The following STPG2 variants were observed in gnomAD, a reference collection of about 807,000 sequenced individuals.
STPG2 encodes sperm tail PG-rich repeat containing 2.
In STPG2, 56 loss-of-function variants were observed where a neutral mutation model predicts 54.2. The ratio of observed to expected loss-of-function variants is 1.03; its 90% confidence interval spans 0.83 to 1.29. The LOEUF (loss-of-function observed/expected upper bound fraction) is 1.29. Among genes scored for constraint, STPG2 ranks in the 50% most tolerant of loss-of-function variants. The pLI is 0.00. For synonymous variants in STPG2, 200 were observed against 181.8 expected, an observed-to-expected ratio of 1.10 and a Z score of -0.81; for missense variants, 596 against 544.9, an observed-to-expected ratio of 1.09 and a Z score of -0.93.
At chr4:97,518,265 T>C (rs1174037549) in intron 4 of STPG2, among the ~76,000 whole-genome samples, 1 of 152,088 alleles carries the variant, frequency 6.6e-6, no homozygotes, top group African/African-American at 2.4e-5. Context: ...TCCTGAAGCA[T>C]TCATTTAAAA....
chr4:98,116,757 A>G (rs1024943128), intron 3 of STPG2, among the ~76,000 whole-genome samples: 1 of 151,940 alleles, frequency 6.6e-6, no homozygotes, highest in Admixed American at 6.6e-5. Context: ...TCTTGAGACA[A>G]AAACTCCCAT....
chr4:98,063,162 C>A (rs1737715522), intron 5 of STPG2, among the ~76,000 whole-genome samples: 2 of 152,080 alleles, frequency 1.3e-5, no homozygotes, highest in Non-Finnish European at 2.9e-5. Context: ...TAAAAAAAAT[C>A]AATCTAGGCT....
At chr4:97,733,654 C>T (rs1724879022) in intron 9 of STPG2, among the ~76,000 whole-genome samples, 1 of 152,088 alleles carries the variant, frequency 6.6e-6, no homozygotes, top group Admixed American at 6.5e-5. Context: ...CCCAGAGGCC[C>T]ATGGTGAGAG....
chr4:97,711,719 G>T (rs1355538493), intron 10 of STPG2, among the ~76,000 whole-genome samples: 3 of 149,096 alleles, frequency 2.0e-5, no homozygotes, highest in Non-Finnish European at 4.4e-5. Flanking sequence ...ACCCAGGCTG[G>T]AGTGCAGTGG....
chr4:97,836,695 G>T (rs951537376), intron 9 of STPG2, among the ~76,000 whole-genome samples: 3 of 151,424 alleles, frequency 2.0e-5, no homozygotes, highest in African/African-American at 7.3e-5. Context: ...ATTTAAAAAT[G>T]CTTGATTTTC....
intron 4 of STPG2, among the ~76,000 whole-genome samples, chr4:97,538,157 G>T (rs769253511): frequency 1.3e-5 from 2 of 152,222 alleles, no homozygotes; most frequent in African/African-American, 4.8e-5. Context: ...CCAAAGGAAT[G>T]CAGCTCCTCA....
At chr4:97,456,897 AAAAAAAAAGAAAATT>A (rs1276555871) in intron 4 of STPG2, among the ~76,000 whole-genome samples, 5 of 150,322 alleles carry the variant, frequency 3.3e-5, no homozygotes, top group Admixed American at 6.6e-5. Flanking sequence ...GTCTCAAAAA[AAAAAAAAAGAAAATT>A]AAAAAAAAAA....
chr4:98,052,043 C>T (rs1469834713), intron 5 of STPG2, among the ~76,000 whole-genome samples: 1 of 149,012 alleles, frequency 6.7e-6, no homozygotes. Flanking sequence ...GCTGAGATTG[C>T]ATCATTGCAC....
intron 8 of STPG2, among the ~76,000 whole-genome samples, chr4:97,845,118 G>GA (rs1009618664): frequency 6.7e-6 from 1 of 149,038 alleles, no homozygotes; most frequent in Non-Finnish European, 1.5e-5. Context: ...TTAATTCTTT[G>GA]AAAAAAAATT....
intron 8 of STPG2, among the ~76,000 whole-genome samples, chr4:97,917,744 G>C (rs909019761): frequency 6.6e-6 from 1 of 152,012 alleles, no homozygotes; most frequent in Non-Finnish European, 1.5e-5. Context: ...CACTAAAATA[G>C]GTGCAGAATA....
intron 8 of STPG2, among the ~76,000 whole-genome samples, chr4:97,862,956 G>C (rs1292701391): frequency 2.6e-5 from 4 of 152,064 alleles, no homozygotes; most frequent in Non-Finnish European, 2.9e-5. Flanking sequence ...AGTGTGTAGA[G>C]GGAAATTTAT....
At position 97,587,363 on chromosome 4, in the gene STPG2, T is replaced by C. The variant is rs182715404; in HGVS notation, c.1321-28246A>G. ...ATTACTTTGGACCAACAGGTTTCTT[T>C]GTGTTATACTATTCTAAAGATAACA... On this transcript the variant is annotated intron_variant, in intron 10 of 10. Coordinates refer to ENST00000295268, the MANE Select transcript of STPG2 (RefSeq NM_174952.3). 4.1e-3 allele frequency among the ~76,000 whole-genome samples: 628 copies of C among 152,124 alleles called. 3 individuals are homozygous for C. The highest frequency in any genetic ancestry group is 0.02 in the South Asian group (98 of 4,828).
intron 8 of STPG2, among the ~76,000 whole-genome samples, chr4:97,857,622 T>C (rs1434808418): frequency 2.0e-5 from 3 of 152,128 alleles, no homozygotes; most frequent in Non-Finnish European, 4.4e-5. Flanking sequence ...CATTCATTTT[T>C]TTCAAGAGTT....
intron 4 of STPG2, among the ~76,000 whole-genome samples, chr4:97,473,518 C>T (rs1024272164): frequency 2.0e-5 from 3 of 152,156 alleles, no homozygotes; most frequent in Non-Finnish European, 2.9e-5. Context: ...CTCTCAAACC[C>T]TGTCTCCTGA....
intron 10 of STPG2, among the ~76,000 whole-genome samples, chr4:97,601,333 ACTT>A (rs990636083): frequency 3.9e-5 from 6 of 152,042 alleles, no homozygotes; most frequent in South Asian, 4.1e-4. Context: ...AGTATCCCAG[ACTT>A]CTTCTAATAT....
chr4:97,735,297 T>A (rs1724944957), intron 9 of STPG2, among the ~76,000 whole-genome samples: 1 of 151,388 alleles, frequency 6.6e-6, no homozygotes, highest in South Asian at 2.1e-4. Context: ...AAATAACACA[T>A]AAGTGGAAAA....
intron 4 of STPG2, among the ~76,000 whole-genome samples, chr4:97,448,488 T>C (rs1729283511): frequency 6.6e-6 from 1 of 152,078 alleles, no homozygotes; most frequent in Non-Finnish European, 1.5e-5. Context: ...CCCCATGCTG[T>C]TCTCATGATA....
chr4:97,884,420 T>A (rs1021298749), intron 8 of STPG2, among the ~76,000 whole-genome samples: 1 of 152,110 alleles, frequency 6.6e-6, no homozygotes, highest in Non-Finnish European at 1.5e-5. Flanking sequence ...TGAGATTCTT[T>A]TTATAAAAAG....
intron 10 of STPG2, among the ~76,000 whole-genome samples, chr4:97,632,373 G>T (rs1465972881): frequency 1.3e-5 from 2 of 150,680 alleles, no homozygotes; most frequent in Admixed American, 1.3e-4. Flanking sequence ...AAACTATCAA[G>T]CTGCAATAAA....
Sources: gnomAD v4.1 joint callset for allele counts (sites outside exome capture counted in the v4.1 genomes callset) on GRCh38, gnomAD v4.1.1 for gene constraint, MANE v1.5 for transcripts, NCBI Gene and HGNC (gene_info 2026-07-23, HGNC 2026-07-21) for gene names.